GLI2: variants seen among roughly 807,000 people sequenced by gnomAD.
GLI2 encodes transcription activator GLI2.
A neutral mutation model predicts 78.9 loss-of-function variants in GLI2; 22 were observed. The ratio of observed to expected loss-of-function variants is 0.28; its 90% CI spans 0.20 to 0.40. The LOEUF (loss-of-function observed/expected upper bound fraction) is 0.40. GLI2 is among the 10% of genes least tolerant of loss of function. The pLI is 1.00. For missense variants in GLI2, 2,097 were observed against 2,213.2 expected, an observed-to-expected ratio of 0.95 and a Z score of 1.05; for synonymous variants, 974 against 963.7, an observed-to-expected ratio of 1.01 and a Z score of -0.20.
chr2:120,886,172 G>A (rs1212274445), intron 2 of GLI2, among the ~76,000 whole-genome samples: 1 of 49,692 alleles, frequency 2.0e-5, no homozygotes, highest in Non-Finnish European at 3.6e-5. Flanking sequence ...GTGTGTGTGT[G>A]TGTGTGTGTG....
chr2:120,990,747 CTT>C lies in GLI2; in HGVS notation c.*73_*74del. The C allele has an allele frequency of 7.4e-7, 1 of 1,346,190 alleles. No homozygotes were observed. Among genetic ancestry groups the C allele is most frequent in the Non-Finnish European group, 1.0e-6 (1 of 975,776 alleles). The allele number at this position is 1,346,190 out of a possible 1,614,324, so 83.4% of individuals were successfully genotyped here. Reference sequence around the variant, plus strand: ...CCCAGAGCCTGGGGATTCCAGCTGTCTTGTCTTTTTCCAAAAAAGTGTTAAAT... The same window carrying C: ...CCCAGAGCCTGGGGATTCCAGCTGTCGTCTTTTTCCAAAAAAGTGTTAAAT... On this transcript the variant is annotated 3_prime_UTR_variant, in exon 14 of 14. Transcript: ENST00000361492.
intron 2 of GLI2, among the ~76,000 whole-genome samples, chr2:120,865,214 C>T (rs978594082): frequency 2.0e-5 from 3 of 152,166 alleles, no homozygotes; most frequent in African/African-American, 7.2e-5. Flanking sequence ...GGTTCCAGAG[C>T]AGCCACTGCA....
intron 2 of GLI2, among the ~76,000 whole-genome samples, chr2:120,822,061 G>A (rs1685805057): frequency 6.6e-6 from 1 of 152,220 alleles, no homozygotes. Flanking sequence ...CGGGCGGTGG[G>A]CCGAGTTCAT....
intron 2 of GLI2, among the ~76,000 whole-genome samples, chr2:120,908,167 C>T (rs945634266): frequency 3.3e-5 from 5 of 152,156 alleles, no homozygotes; most frequent in Admixed American, 1.3e-4. Flanking sequence ...GGAGCCATGG[C>T]CTGGGGGGCC....
At chr2:120,749,726 A>G (rs1682807365) in intron 1 of GLI2, among the ~76,000 whole-genome samples, 1 of 152,214 alleles carries the variant, frequency 6.6e-6, no homozygotes, top group Admixed American at 6.5e-5. Context: ...ACTCATTGAC[A>G]GTCATCTCAC....
Position 120,796,413 on chromosome 2 carries a change from C to T in GLI2, c.-30-878C>T, listed in dbSNP as rs564910331. 1.1e-3 allele frequency among the ~76,000 whole-genome samples: 173 copies of T among 152,332 alleles called. 1 individual carries two copies. Among genetic ancestry groups the T allele is most frequent in the African/African-American group, 4.8e-4 (20 of 41,576 alleles). ...AGCAATGGAGTGACCCTTTTACACCCGGAGTCAGTCCTGCCCCTCCCCTGC... is the reference window on the plus strand; with the variant it reads ...AGCAATGGAGTGACCCTTTTACACCTGGAGTCAGTCCTGCCCCTCCCCTGC... On this transcript the variant is annotated intron_variant, in intron 1 of 13. Transcript: ENST00000361492.
chr2:120,803,890 CAG>C (rs769037986), intron 2 of GLI2, among the ~76,000 whole-genome samples: 3 of 152,296 alleles, frequency 2.0e-5, no homozygotes, highest in Admixed American at 6.5e-5. Flanking sequence ...TCAAGAGTCT[CAG>C]GGGGGGAGAC....
chr2:120,782,290 GT>G (rs1272487194), intron 1 of GLI2, among the ~76,000 whole-genome samples: 1 of 152,160 alleles, frequency 6.6e-6, no homozygotes. Flanking sequence ...TTTATGGCAG[GT>G]GGTAGACTTC....
At chr2:120,876,997 G>A (rs1688783723) in intron 2 of GLI2, among the ~76,000 whole-genome samples, 1 of 152,238 alleles carries the variant, frequency 6.6e-6, no homozygotes, top group Non-Finnish European at 1.5e-5. Flanking sequence ...TGCTCACTCA[G>A]TAGGCAGCAG....
chr2:120,773,009 C>T (rs765434379), intron 1 of GLI2, among the ~76,000 whole-genome samples: 4 of 152,212 alleles, frequency 2.6e-5, no homozygotes, highest in Non-Finnish European at 5.9e-5. Context: ...ATATTGCTCT[C>T]AATGTCTGAT....
chr2:120,800,824 G>A lies in GLI2; in HGVS notation c.148+3356G>A, dbSNP rs1317732870. Among the ~76,000 whole-genome samples the A allele has an allele frequency of 6.6e-6, 1 of 152,146 alleles. No homozygotes were observed. On this transcript the variant is annotated intron_variant, in intron 2 of 13. Transcript: ENST00000361492. The surrounding 1 kb of genome is among the most constrained non-coding windows in gnomAD (Gnocchi z 4.1). ...CCCGGCCGAAAGGGATGACTTATAC[G>A]AGCTTAGTGTTTCCTGACTTATTAC...
chr2:120,978,544 C>T lies in GLI2; in HGVS notation c.1428C>T (p.His476=), dbSNP rs763503227. The part of the protein sequence containing the change: ...PFKAQYMLVV[H]MRRHTGEKPH... ...AGGCGCAGTACATGCTGGTGGTGCA[C>T]ATGCGGCGACACACGGGCGAGAAGC... The change falls in exon 10 of 14, where the codon CAC becomes CAT. Residue 476 remains histidine, a synonymous_variant. Transcript: ENST00000361492. The T allele has an allele frequency of 7.4e-6, 12 of 1,614,028 alleles. No individual in the cohort carries two copies. The highest frequency in any genetic ancestry group is 8.5e-6 in the Non-Finnish European group (10 of 1,180,008).
intron 2 of GLI2, among the ~76,000 whole-genome samples, chr2:120,899,049 C>T (rs552051930): frequency 8.5e-5 from 13 of 152,276 alleles, no homozygotes; most frequent in African/African-American, 1.7e-4. Context: ...TGGCTGCTCA[C>T]GCATTTACGC....
intron 3 of GLI2, among the ~76,000 whole-genome samples, chr2:120,945,955 T>TCACACACA (rs1240890746): frequency 8.6e-5 from 1 of 11,562 alleles, no homozygotes; most frequent in African/African-American, 1.3e-4. Flanking sequence ...GGCATAACCT[T>TCACACACA]CTCACACACA....
chr2:120,834,289 G>A (rs1042624688), intron 2 of GLI2, among the ~76,000 whole-genome samples: 9 of 152,206 alleles, frequency 5.9e-5, no homozygotes, highest in African/African-American at 2.2e-4. Context: ...GAGAGCATGG[G>A]AAGGAGGCTT....
At chr2:120,952,156 C>T (rs754031446) in intron 4 of GLI2, among the ~76,000 whole-genome samples, 4 of 152,246 alleles carry the variant, frequency 2.6e-5, no homozygotes, top group Non-Finnish European at 2.9e-5. Flanking sequence ...CCCACCATGC[C>T]GTCTCCCTGG....
intron 10 of GLI2, among the ~76,000 whole-genome samples, chr2:120,981,012 C>G (rs1682694963): frequency 6.6e-6 from 1 of 152,068 alleles, no homozygotes; most frequent in Non-Finnish European, 1.5e-5. Context: ...TCCGGAGTAG[C>G]TGGGATTACA....
At chr2:120,850,465 G>A (rs755561338) in intron 2 of GLI2, among the ~76,000 whole-genome samples, 10 of 152,234 alleles carry the variant, frequency 6.6e-5, no homozygotes, top group Non-Finnish European at 1.3e-4. Flanking sequence ...CTCTCAGGCA[G>A]ATGGGAGGGG....
chr2:120,902,020 G>A (rs1330598789), intron 2 of GLI2, among the ~76,000 whole-genome samples: 3 of 151,858 alleles, frequency 2.0e-5, no homozygotes, highest in East Asian at 3.9e-4. Flanking sequence ...TGGCAGTTGC[G>A]TGCTGGAGCC....
Sources: gnomAD v4.1 joint callset for allele counts (sites outside exome capture counted in the v4.1 genomes callset) on GRCh38, gnomAD v4.1.1 for gene constraint, Gnocchi (gnomAD v3.1) non-coding constraint, MANE v1.5 for transcripts, NCBI Gene and HGNC (gene_info 2026-07-23, HGNC 2026-07-21) for gene names.